EPHA6: variants seen among roughly 807,000 people sequenced by gnomAD.
EPHA6 encodes the protein ephrin type-A receptor 6.
Under a neutral mutation model 112.0 loss-of-function variants are expected in EPHA6, and 50 were observed. The ratio of observed to expected loss-of-function variants is 0.45; its 90% CI spans 0.36 to 0.56. EPHA6 has a LOEUF of 0.56. Ranked by LOEUF, EPHA6 falls within the 20% of genes least tolerant of loss-of-function variation. The pLI, the probability that EPHA6 is intolerant of heterozygous loss-of-function variation, is 0.00. For synonymous variants in EPHA6, 529 were observed against 490.7 expected, an observed-to-expected ratio of 1.08 and a Z score of -1.03; for missense variants, 1,280 against 1,417.4, an observed-to-expected ratio of 0.90 and a Z score of 1.56.
At chr3:96,941,742 G>A (rs929804636) in intron 2 of EPHA6, among the ~76,000 whole-genome samples, 2 of 152,084 alleles carry the variant, frequency 1.3e-5, no homozygotes, top group Non-Finnish European at 2.9e-5. Flanking sequence ...TCTTGTTTTG[G>A]TCTTTGATGA....
intron 1 of EPHA6, among the ~76,000 whole-genome samples, chr3:96,836,743 T>G (rs912305056): frequency 1.3e-5 from 2 of 152,182 alleles, no homozygotes; most frequent in Admixed American, 6.6e-5. Context: ...GTCACCATTA[T>G]TGTGCCTGTG....
intron 5 of EPHA6, among the ~76,000 whole-genome samples, chr3:97,303,883 G>T (rs778211540): frequency 6.6e-6 from 1 of 151,998 alleles, no homozygotes; most frequent in African/African-American, 2.4e-5. Context: ...AGCATGGAAT[G>T]TTTTTGCATT....
At chr3:97,730,856 G>A (rs2035002656) in intron 15 of EPHA6, among the ~76,000 whole-genome samples, 1 of 152,126 alleles carries the variant, frequency 6.6e-6, no homozygotes. Flanking sequence ...TCGCTGCTCT[G>A]GAGGAGCTCA....
chr3:96,916,035 A>C (rs1350437043), intron 2 of EPHA6, among the ~76,000 whole-genome samples: 1 of 152,158 alleles, frequency 6.6e-6, no homozygotes, highest in Non-Finnish European at 1.5e-5. Flanking sequence ...ATCATCCTTT[A>C]ACTAATTTAT....
At chr3:97,214,046 A>AGG (rs1222133279) in intron 3 of EPHA6, among the ~76,000 whole-genome samples, 254 of 139,462 alleles carry the variant, frequency 1.8e-3, no homozygotes, top group African/African-American at 7.6e-3. Flanking sequence ...TGTGAGAGAG[A>AGG]GAGAGAGAGG....
At chr3:96,988,783 A>G (rs1039089604) in intron 3 of EPHA6, among the ~76,000 whole-genome samples, 2 of 152,154 alleles carry the variant, frequency 1.3e-5, no homozygotes, top group Non-Finnish European at 2.9e-5. Flanking sequence ...AAATGTTAAC[A>G]TCGCAAAATG....
At chr3:97,058,986 G>C (rs998361378) in intron 3 of EPHA6, among the ~76,000 whole-genome samples, 1 of 152,150 alleles carries the variant, frequency 6.6e-6, no homozygotes, top group Non-Finnish European at 1.5e-5. Context: ...GCAGCATGGA[G>C]GAGTGGGGGG....
intron 2 of EPHA6, among the ~76,000 whole-genome samples, chr3:96,984,570 T>C (rs933629286): frequency 4.6e-5 from 7 of 152,182 alleles, no homozygotes; most frequent in Non-Finnish European, 7.3e-5. Flanking sequence ...ACCACTGCTC[T>C]CTTCAAAGCT....
In EPHA6 at chr3:97,490,767, A is replaced by C. The variant is rs143992308; in HGVS notation, c.2200+6708A>C. On this transcript the variant is annotated intron_variant, in intron 10 of 17. Coordinates refer to ENST00000389672, the MANE Select transcript of EPHA6 (RefSeq NM_001080448.3). ...TAAAACTTAAAACAGGAACATTACT[A>C]TCTCACAGTGTCAGTGGCTCAGGAT... 3.9e-3 allele frequency among the ~76,000 whole-genome samples: 595 copies of C among 152,300 alleles called. 4 individuals are homozygous for C. The highest frequency in any genetic ancestry group is 0.013 in the African/African-American group (537 of 41,552).
chr3:97,406,231 G>C (rs904830958), intron 6 of EPHA6, among the ~76,000 whole-genome samples: 1 of 152,132 alleles, frequency 6.6e-6, no homozygotes, highest in Admixed American at 6.6e-5. Flanking sequence ...TATTTTGTCT[G>C]CTGTAACAGA....
chr3:97,498,613 C>T (rs149840754), intron 10 of EPHA6, among the ~76,000 whole-genome samples: 1 of 152,152 alleles, frequency 6.6e-6, no homozygotes, highest in Non-Finnish European at 1.5e-5. Context: ...GTTGATGGAA[C>T]AAATGTTTAT....
At chr3:97,547,186 C>T (rs542634615) in intron 11 of EPHA6, among the ~76,000 whole-genome samples, 2 of 152,262 alleles carry the variant, frequency 1.3e-5, no homozygotes, top group African/African-American at 4.8e-5. Flanking sequence ...GTTTTCCCAT[C>T]TTTGTGGTTT....
intron 5 of EPHA6, among the ~76,000 whole-genome samples, chr3:97,354,015 C>A (rs2083941679): frequency 6.6e-6 from 1 of 152,200 alleles, no homozygotes; most frequent in Non-Finnish European, 1.5e-5. Flanking sequence ...TGATATCTTA[C>A]TCAAGACCAA....
At chr3:97,336,771 CT>C (rs1228824416) in intron 5 of EPHA6, among the ~76,000 whole-genome samples, 2 of 152,042 alleles carry the variant, frequency 1.3e-5, no homozygotes, top group Non-Finnish European at 2.9e-5. Context: ...AGATCTCTTA[CT>C]ACATGAGCTA....
At chr3:97,449,701 G>T (rs1260056507) in intron 7 of EPHA6, among the ~76,000 whole-genome samples, 1 of 152,038 alleles carries the variant, frequency 6.6e-6, no homozygotes, top group Non-Finnish European at 1.5e-5. Flanking sequence ...CAACTAGTAA[G>T]AAGCTAAGCT....
At chr3:97,121,881 C>G (rs1318788559) in intron 3 of EPHA6, among the ~76,000 whole-genome samples, 1 of 151,956 alleles carries the variant, frequency 6.6e-6, no homozygotes, top group East Asian at 1.9e-4. Context: ...ACCAAGTCAC[C>G]AGCCTACACT....
chr3:97,600,780 T>A (rs1235172713), intron 12 of EPHA6, among the ~76,000 whole-genome samples: 1 of 151,918 alleles, frequency 6.6e-6, no homozygotes, highest in Non-Finnish European at 1.5e-5. Context: ...GTGAGCATCA[T>A]CTTTATGTAA....
intron 3 of EPHA6, among the ~76,000 whole-genome samples, chr3:97,105,135 C>A (rs2047526789): frequency 6.6e-6 from 1 of 151,534 alleles, no homozygotes; most frequent in Non-Finnish European, 1.5e-5. Context: ...TCTCAGTCTA[C>A]AGTTCCACTC....
intron 13 of EPHA6, among the ~76,000 whole-genome samples, chr3:97,631,291 T>C (rs2093900776): frequency 6.6e-6 from 1 of 152,010 alleles, no homozygotes; most frequent in South Asian, 2.1e-4. Flanking sequence ...CCTTTGCATT[T>C]CTGACATCCA....
Sources: allele counts gnomAD v4.1 joint callset (sites outside exome capture counted in the v4.1 genomes callset), GRCh38; gene constraint gnomAD v4.1.1; transcripts MANE v1.5; gene names NCBI Gene and HGNC (gene_info 2026-07-23, HGNC 2026-07-21).